Variants in GRM5 observed in about 807,000 individuals in gnomAD.
GRM5 encodes glutamate metabotropic receptor 5.
Under a neutral mutation model 83.1 loss-of-function variants are expected in GRM5, and 19 were observed. The observed-to-expected ratio is 0.23, with a 90% CI of 0.16 to 0.34. The LOEUF (loss-of-function observed/expected upper bound fraction) is 0.34, where lower values mean the gene tolerates loss of function less well. GRM5 is among the 10% of genes least tolerant of loss of function. The pLI is 1.00. For missense variants in GRM5, 1,160 were observed against 1,588.3 expected (o/e 0.73, Z 4.58); for synonymous variants, 675 against 633.6 (o/e 1.07, Z -0.98).
intron 3 of GRM5, among the ~76,000 whole-genome samples, chr11:88,816,775 A>G (rs1311167339): frequency 2.0e-5 from 3 of 149,428 alleles, no homozygotes; most frequent in African/African-American, 4.9e-5. Flanking sequence ...AAGAAAAGGC[A>G]CGAATAACCA....
Position 88,567,152 on chromosome 11 carries a change from C to T in GRM5, c.2531G>A (p.Arg844His), listed in dbSNP as rs1942894324. The T allele has an allele frequency of 4.3e-6, 7 of 1,613,640 alleles. No homozygotes were observed. The highest frequency in any genetic ancestry group is 5.9e-6 in the Non-Finnish European group (7 of 1,179,576). Residue 844 changes from arginine to histidine, a missense_variant, in exon 8 of 10, where the codon CGC becomes CAC. Physicochemically the swap from Arg to His is conservative, Grantham distance 29 (BLOSUM62 0). Transcript: ENST00000305447. This position sits in a 1 kb window ranked among gnomAD's most constrained non-coding sequence, Gnocchi z 7.3. ...RSAFTTSTVV[R>H]MHVGDGKSSS... is the part of the protein sequence containing the mutation. ...TGACTTGCCATCCCCTACATGCATG[C>T]GCACCACGGTAGATGTGGTGAAGGC...
chr11:88,871,132 T>G (rs564322196), intron 2 of GRM5, among the ~76,000 whole-genome samples: 5 of 151,684 alleles, frequency 3.3e-5, no homozygotes, highest in Admixed American at 6.6e-5. Context: ...AGAGTTAGAG[T>G]TGGGTAAGCT....
At chr11:88,709,073 T>C (rs1322552094) in intron 3 of GRM5, among the ~76,000 whole-genome samples, 4 of 152,092 alleles carry the variant, frequency 2.6e-5, no homozygotes, top group African/African-American at 9.7e-5. Context: ...CTTGTAAAGA[T>C]GAAAATGGTA....
chr11:88,903,099 C>T (rs1359650297), intron 2 of GRM5, among the ~76,000 whole-genome samples: 1 of 151,836 alleles, frequency 6.6e-6, no homozygotes, highest in Non-Finnish European at 1.5e-5. Flanking sequence ...ATTTGTGCAC[C>T]TGAGTGAAAA....
At chr11:88,680,602 C>G (rs1372475899) in intron 3 of GRM5, among the ~76,000 whole-genome samples, 5 of 152,134 alleles carry the variant, frequency 3.3e-5, no homozygotes, top group Non-Finnish European at 5.9e-5. Flanking sequence ...ACTAGAAATA[C>G]CATTTGACCC....
intron 3 of GRM5, among the ~76,000 whole-genome samples, chr11:88,700,517 G>A (rs1412624679): frequency 1.3e-5 from 2 of 152,184 alleles, no homozygotes; most frequent in Non-Finnish European, 2.9e-5. Context: ...CAGCTATTTG[G>A]TGGAATGTTG....
chr11:88,785,151 A>G (rs1943044664), intron 3 of GRM5, among the ~76,000 whole-genome samples: 1 of 152,090 alleles, frequency 6.6e-6, no homozygotes, highest in Admixed American at 6.6e-5. Flanking sequence ...GTATGGGATT[A>G]TCTTTCTATC....
chr11:88,956,966 T>A (rs569167555), intron 2 of GRM5, among the ~76,000 whole-genome samples: 2 of 148,450 alleles, frequency 1.3e-5, no homozygotes, highest in African/African-American at 4.8e-5. Context: ...TGTATGCAAA[T>A]ACATGAAGTA....
chr11:88,518,230 G>A (rs1391468745), intron 9 of GRM5, among the ~76,000 whole-genome samples: 1 of 151,812 alleles, frequency 6.6e-6, no homozygotes, highest in Non-Finnish European at 1.5e-5. Flanking sequence ...AGAAAAATAA[G>A]AAAAGATAAT....
intron 5 of GRM5, among the ~76,000 whole-genome samples, chr11:88,598,195 A>G (rs1249880410): frequency 6.6e-6 from 1 of 152,088 alleles, no homozygotes; most frequent in Non-Finnish European, 1.5e-5. Flanking sequence ...CTCAGGACTT[A>G]TAGTACTGAC....
chr11:88,527,173 C>G lies in GRM5; in HGVS notation c.2631-1769G>C, dbSNP rs1421934923. The stretch of plus-strand genomic sequence containing the variant: ...TGGATTGCTCAAGCAAAATACTGCT[C>G]GACAGCTCAAATTAAAAGAATATTG... On this transcript the variant is annotated intron_variant, in intron 8 of 9. Transcript: ENST00000305447. 3.9e-5 allele frequency among the ~76,000 whole-genome samples: 6 copies of G among 152,232 alleles called. No homozygotes were observed. In the East Asian group the frequency reaches 1.2e-3, roughly 29 times the overall value.
At chr11:89,034,204 A>G (rs1941329085) in intron 2 of GRM5, among the ~76,000 whole-genome samples, 1 of 151,868 alleles carries the variant, frequency 6.6e-6, no homozygotes, top group Non-Finnish European at 1.5e-5. Flanking sequence ...TTTTATAAAA[A>G]AAGATATTAA....
intron 6 of GRM5, among the ~76,000 whole-genome samples, chr11:88,593,104 G>A (rs924541909): frequency 1.3e-5 from 2 of 152,102 alleles, no homozygotes; most frequent in African/African-American, 4.8e-5. Context: ...ATACTCATGA[G>A]CCACTGCACC....
chr11:88,506,148 A>C lies in GRM5; in HGVS notation c.*2444T>G, dbSNP rs937272867. 2.6e-5 allele frequency: 4 copies of C among 152,228 alleles called. No homozygotes were observed. Among genetic ancestry groups the C allele is most frequent in the Non-Finnish European group, 5.9e-5 (4 of 68,040 alleles). 9.4% of individuals were successfully genotyped at this position (152,228 alleles called of 1,614,324 possible). A position where few individuals can be genotyped will look rare whatever the true frequency, so the allele number is the denominator to read the frequency against. ...ACAGTTGATTATGATAGCATGTGGA[A>C]GTATCAGATGGCAATTTACTTGCAT... is the stretch of plus-strand genomic sequence containing the variant. On this transcript the variant is annotated 3_prime_UTR_variant, in exon 10 of 10. Coordinates refer to ENST00000305447, the MANE Select transcript of GRM5 (RefSeq NM_001143831.3).
In GRM5 at chr11:88,660,771, T is replaced by C. The variant is rs529669019; in HGVS notation, c.912-7368A>G. Reference sequence around the variant, plus strand: ...AACATTGATTCTTATTCCTTAGATATGTTAATAGTTTCACACTCCTAAGCC... The same window carrying C: ...AACATTGATTCTTATTCCTTAGATACGTTAATAGTTTCACACTCCTAAGCC... On this transcript the variant is annotated intron_variant, in intron 3 of 9. Transcript: ENST00000305447. Among the ~76,000 whole-genome samples the C allele has an allele frequency of 3.3e-5, 5 of 152,336 alleles. No individual in the cohort carries two copies. In the South Asian group the frequency reaches 8.3e-4, roughly 25 times the overall value.
intron 3 of GRM5, among the ~76,000 whole-genome samples, chr11:88,685,979 G>A (rs1365226090): frequency 1.3e-5 from 2 of 152,190 alleles, no homozygotes; most frequent in Non-Finnish European, 2.9e-5. Context: ...CCTGACTGGG[G>A]CACCACCTAG....
At chr11:88,987,358 T>G (rs1415861651) in intron 2 of GRM5, among the ~76,000 whole-genome samples, 3 of 152,206 alleles carry the variant, frequency 2.0e-5, no homozygotes, top group South Asian at 4.2e-4. Context: ...CGGAGGGTCC[T>G]ACGCCCACGG....
At chr11:88,675,041 C>T (rs2135337316) in intron 3 of GRM5, among the ~76,000 whole-genome samples, 1 of 151,974 alleles carries the variant, frequency 6.6e-6, no homozygotes, top group Non-Finnish European at 1.5e-5. Context: ...TACTATGGTA[C>T]CAATGTTCAC....
At chr11:88,781,195 C>A (rs1942969329) in intron 3 of GRM5, among the ~76,000 whole-genome samples, 1 of 150,044 alleles carries the variant, frequency 6.7e-6, no homozygotes, top group Non-Finnish European at 1.5e-5. Context: ...TTTTGAAGAG[C>A]ATGTGGGAGA....
Sources: gnomAD v4.1 joint callset for allele counts (sites outside exome capture counted in the v4.1 genomes callset) on GRCh38, gnomAD v4.1.1 for gene constraint, Gnocchi (gnomAD v3.1) non-coding constraint, MANE v1.5 for transcripts, NCBI Gene and HGNC (gene_info 2026-07-23, HGNC 2026-07-21) for gene names.